Variants in CYP2U1 observed in about 807,000 individuals in gnomAD.
CYP2U1 encodes the protein cytochrome P450 family 2 subfamily U member 1, also known as cytochrome P450 2U1.
A neutral mutation model predicts 42.8 loss-of-function variants in CYP2U1; 28 were observed. The observed-to-expected ratio is 0.65, with a 90% CI of 0.48 to 0.90. The LOEUF is 0.90. CYP2U1 is among the 40% of genes least tolerant of loss of function. The probability of loss-of-function intolerance (pLI) is 0.00; values close to 1 mark genes in which losing one functional copy is unlikely to be tolerated. For synonymous variants in CYP2U1, 296 were observed against 278.9 expected, an observed-to-expected ratio of 1.06 and a Z score of -0.61; for missense variants, 642 against 693.8, an observed-to-expected ratio of 0.93 and a Z score of 0.84.
At chr4:107,948,491 C>G (rs544011787) in intron 3 of CYP2U1, among the ~76,000 whole-genome samples, 3 of 151,942 alleles carry the variant, frequency 2.0e-5, no homozygotes, top group South Asian at 2.1e-4. Flanking sequence ...CACTTGAACC[C>G]GGGAGGCAGA....
chr4:107,934,955 G>A (rs532017064), intron 1 of CYP2U1, among the ~76,000 whole-genome samples: 3 of 152,264 alleles, frequency 2.0e-5, no homozygotes, highest in Admixed American at 6.5e-5. Context: ...ACCTCTCAAC[G>A]GAATGTGAGT....
Position 107,931,924 on chromosome 4 carries a change from C to T in CYP2U1, c.281C>T (p.Ala94Val), listed in dbSNP as rs1279759872. 3 of 1,551,042 alleles carry T rather than the reference C, an allele frequency of 1.9e-6. No individual in the cohort carries two copies. Among genetic ancestry groups the T allele is most frequent in the Non-Finnish European group, 2.6e-6 (3 of 1,146,988 alleles). ...TGGCTGAGCAGCAGGACCAGGGCCG[C>T]AGGGATTGATCCCTCGGTCATAGGC... Reference protein sequence around the residue: ...RSWLSSRTRAAGIDPSVIGPQ... With the variant: ...RSWLSSRTRAVGIDPSVIGPQ... The change falls in exon 1 of 5, where the codon GCA becomes GTA. Residue 94 changes from alanine (A) to valine (V), a missense_variant. Coordinates refer to ENST00000332884, the MANE Select transcript of CYP2U1 (RefSeq NM_183075.3).
chr4:107,941,073 T>G (rs1733476159), intron 1 of CYP2U1: 1 of 152,114 alleles, frequency 6.6e-6, no homozygotes. Flanking sequence ...GTGGTTCTTT[T>G]TTGACAAAAG....
In CYP2U1 at chr4:107,931,641, A is replaced by C; in HGVS notation, c.-3A>C. On this transcript the variant is annotated 5_prime_UTR_variant, in exon 1 of 5. Coordinates refer to ENST00000332884, the MANE Select transcript of CYP2U1 (RefSeq NM_183075.3). Reference sequence around the variant, plus strand: ...GGAACCCGAGGCCGCCGGCGCCCGGACCATGTCGTCTCCGGGGCCGTCGCA... The same window carrying C: ...GGAACCCGAGGCCGCCGGCGCCCGGCCCATGTCGTCTCCGGGGCCGTCGCA... 7.9e-7 allele frequency: 1 copy of C among 1,260,466 alleles called. No individual in the cohort carries two copies. The highest frequency in any genetic ancestry group is 9.9e-7 in the Non-Finnish European group (1 of 1,007,366). The allele number at this position is 1,260,466 out of a possible 1,614,324, so 78.1% of individuals were successfully genotyped here.
intron 3 of CYP2U1, among the ~76,000 whole-genome samples, chr4:107,949,125 T>C (rs919408536): frequency 6.6e-6 from 1 of 152,204 alleles, no homozygotes; most frequent in Admixed American, 6.5e-5. Flanking sequence ...TCAGCATTCA[T>C]TGGAGCACTG....
At position 107,945,458 on chromosome 4, in the gene CYP2U1, G is replaced by C. The variant is rs767970725; in HGVS notation, c.979G>C (p.Glu327Gln). The C allele has an allele frequency of 1.6e-4, 259 of 1,614,008 alleles. No homozygotes were observed. The highest frequency in any genetic ancestry group is 2.1e-4 in the Non-Finnish European group (249 of 1,180,040). Residue 327 changes from glutamate (E) to glutamine (Q), a missense_variant, in exon 2 of 5, where the codon GAG (glutamate) becomes CAG (glutamine). Coordinates refer to ENST00000332884, the MANE Select transcript of CYP2U1 (RefSeq NM_183075.3). ...FIDMYLLHME[E>Q]ERKNNSNSSF... is the part of the protein sequence containing the mutation. ...AGACATGTACCTTCTCCACATGGAA[G>C]AGGAGAGGAAAAATAATAGTAACAG...
At chr4:107,935,524 G>A (rs1733227644) in intron 1 of CYP2U1, 1 of 152,152 alleles carries the variant, frequency 6.6e-6, no homozygotes, top group African/African-American at 2.4e-5. Context: ...AAATGCTTGT[G>A]GAGTTAACAT....
chr4:107,932,305 C>CT (rs1318540068), intron 1 of CYP2U1, 172 bp downstream of exon 1: 1 of 723,998 alleles, frequency 1.4e-6, no homozygotes, highest in Non-Finnish European at 1.7e-6. Context: ...TTTCTGATGC[C>CT]TTTAAGATCC....
chr4:107,942,771 G>T (rs1469404338), intron 1 of CYP2U1, among the ~76,000 whole-genome samples: 1 of 152,082 alleles, frequency 6.6e-6, no homozygotes, highest in African/African-American at 2.4e-5. Context: ...ACAATAGGTA[G>T]CAATACCTAA....
In CYP2U1 at chr4:107,945,325, A is replaced by G; in HGVS notation, c.846A>G (p.Gly282=). 1 of 1,614,094 alleles carries G rather than the reference A, an allele frequency of 6.2e-7. No individual in the cohort carries two copies. Among genetic ancestry groups the G allele is most frequent in the Non-Finnish European group, 8.5e-7 (1 of 1,180,034 alleles). Reference sequence around the variant, plus strand: ...CTTGGCTTTATTACCTTCCCTTTGGACCATTTAAGGAATTAAGACAAATTG... The same window carrying G: ...CTTGGCTTTATTACCTTCCCTTTGGGCCATTTAAGGAATTAAGACAAATTG... The part of the protein sequence containing the change: ...ICPWLYYLPF[G]PFKELRQIEK... The change falls in exon 2 of 5, where the codon GGA becomes GGG. Residue 282 remains glycine, a synonymous_variant. Transcript: ENST00000332884.
In CYP2U1 at chr4:107,952,968, C is replaced by T. The variant is rs1431388375; in HGVS notation, c.*2545C>T. On this transcript the variant is annotated 3_prime_UTR_variant, in exon 5 of 5. Transcript: ENST00000332884. ...AAAAGAAAAGCTAATAGCCTAACTG[C>T]AGAGGAACTGAGTGGATGGGGTAGC... 6.6e-6 allele frequency: 1 copy of T among 152,058 alleles called. No homozygotes were observed. Among genetic ancestry groups the T allele is most frequent in the African/African-American group, 2.4e-5 (1 of 41,410 alleles). The allele number at this position is 152,058 out of a possible 1,614,324, so 9.4% of individuals were successfully genotyped here. A position where few individuals can be genotyped will look rare whatever the true frequency, so the allele number is the denominator to read the frequency against.
chr4:107,939,969 A>C (rs2126195547), intron 1 of CYP2U1, among the ~76,000 whole-genome samples: 1 of 152,318 alleles, frequency 6.6e-6, no homozygotes, highest in South Asian at 2.1e-4. Context: ...GCCACCGACA[A>C]AAGAAAACAA....
chr4:107,932,134 G>A lies in CYP2U1; in HGVS notation c.490+1G>A. 6.2e-7 allele frequency: 1 copy of A among 1,602,572 alleles called. No individual in the cohort carries two copies. Among genetic ancestry groups the A allele is most frequent in the Non-Finnish European group, 8.5e-7 (1 of 1,175,528 alleles). On this transcript the variant is annotated splice_donor_variant, in intron 1 of 4. Coordinates refer to ENST00000332884, the MANE Select transcript of CYP2U1 (RefSeq NM_183075.3). LOFTEE classifies it high-confidence loss of function. ...ATCTCCATCGTGACCAAGGAGAAGG[G>A]TGAGCGGGAGGTCGTGGGCTGTGGG...
intron 1 of CYP2U1, chr4:107,940,506 A>G (rs914264804): frequency 3.9e-5 from 6 of 152,218 alleles, no homozygotes; most frequent in Non-Finnish European, 7.3e-5. Context: ...TTCGAATTTC[A>G]TGATCTGTAA....
intron 2 of CYP2U1, 82 bp downstream of exon 2, chr4:107,945,687 T>C (rs1336649330): frequency 2.0e-6 from 3 of 1,478,712 alleles, no homozygotes; most frequent in African/African-American, 1.4e-5. Context: ...TCTGGTGGCT[T>C]CTAACACTGA....
At position 107,931,934 on chromosome 4, in the gene CYP2U1, T is replaced by A. The variant is rs1352016068; in HGVS notation, c.291T>A (p.Asp97Glu). Residue 97 changes from aspartate (D) to glutamate (E), a missense_variant, in exon 1 of 5, where the codon GAT becomes GAA. Transcript: ENST00000332884. ...GCAGGACCAGGGCCGCAGGGATTGA[T>A]CCCTCGGTCATAGGCCCGCAGGTGC... is the stretch of plus-strand genomic sequence containing the variant. ...LSSRTRAAGI[D>E]PSVIGPQVLL... The A allele has an allele frequency of 1.7e-5, 26 of 1,551,290 alleles. No individual in the cohort carries two copies. The highest frequency in any genetic ancestry group is 2.3e-5 in the Non-Finnish European group (26 of 1,146,998).
At chr4:107,935,871 A>G (rs1056023814) in intron 1 of CYP2U1, 3 of 152,208 alleles carry the variant, frequency 2.0e-5, no homozygotes, top group African/African-American at 7.2e-5. Flanking sequence ...CATAAGAGAA[A>G]AGAAATTATG....
chr4:107,947,679 G>A (rs976000709), intron 3 of CYP2U1, 142 bp downstream of exon 3: 4 of 828,764 alleles, frequency 4.8e-6, no homozygotes, highest in Admixed American at 2.9e-5. Context: ...GTAATAAAAT[G>A]TCTAGGGAAT....
At chr4:107,943,625 T>A (rs936516995) in intron 1 of CYP2U1, among the ~76,000 whole-genome samples, 8 of 152,168 alleles carry the variant, frequency 5.3e-5, no homozygotes, top group South Asian at 2.1e-4. Flanking sequence ...AAGATTCCAA[T>A]GAGGAAAGTG....
Sources: allele counts gnomAD v4.1 joint callset (sites outside exome capture counted in the v4.1 genomes callset), GRCh38; gene constraint gnomAD v4.1.1; transcripts MANE v1.5; gene names NCBI Gene and HGNC (gene_info 2026-07-23, HGNC 2026-07-21).